The following DMD variants were observed in gnomAD, a reference collection of about 807,000 sequenced individuals.
DMD encodes the protein mutant dystrophin.
DMD carries 63 observed loss-of-function variants against 330.1 expected under a neutral mutation model. The ratio of observed to expected loss-of-function variants is 0.19; its 90% CI spans 0.16 to 0.24. The LOEUF (loss-of-function observed/expected upper bound fraction) is 0.24, where lower values mean the gene tolerates loss of function less well. DMD is among the 10% of genes least tolerant of loss of function. The pLI is 1.00. For synonymous variants in DMD, 1,223 were observed against 959.8 expected, an observed-to-expected ratio of 1.27 and a Z score of -5.07; for missense variants, 3,344 against 2,684.1, an observed-to-expected ratio of 1.25 and a Z score of -5.43.
intron 62 of DMD, among the ~76,000 whole-genome samples, chrX:31,284,602 CTTCTT>C (rs1670067303): frequency 1.1e-5 from 1 of 90,989 alleles, no homozygotes; most frequent in Admixed American, 1.2e-4. Context: ...TCTTCTTCTT[CTTCTT>C]TTTTTTGGCA....
chrX:32,096,845 C>T (rs1861469884), intron 44 of DMD, among the ~76,000 whole-genome samples: 1 of 111,676 alleles, frequency 9.0e-6, no homozygotes, highest in Non-Finnish European at 1.9e-5. Flanking sequence ...GTCCAGATGA[C>T]CAAACTCCTC....
intron 62 of DMD, among the ~76,000 whole-genome samples, chrX:31,322,195 G>T (rs72625574): frequency 0.16 from 17,819 of 111,311 alleles, 1,099 homozygotes; most frequent in Non-Finnish European, 0.18. Context: ...AGAAGTAGCA[G>T]GTCTCAAACA....
chrX:31,686,641 C>T (rs2082705247), intron 52 of DMD, among the ~76,000 whole-genome samples: 1 of 112,015 alleles, frequency 8.9e-6, no homozygotes, highest in South Asian at 3.7e-4. Context: ...ATTCAGTAAG[C>T]CAAAACTAAT....
chrX:32,075,610 G>T (rs73619026), intron 44 of DMD, among the ~76,000 whole-genome samples: 3 of 110,524 alleles, frequency 2.7e-5, no homozygotes, highest in Non-Finnish European at 5.7e-5. Context: ...TCTCAATTCT[G>T]TACCCATAAT....
intron 57 of DMD, among the ~76,000 whole-genome samples, chrX:31,496,301 G>A (rs1010945197): frequency 1.8e-5 from 2 of 112,255 alleles, no homozygotes; most frequent in Non-Finnish European, 3.8e-5. Flanking sequence ...TTGATATGAT[G>A]AAATTATTGA....
chrX:32,485,029 T>C lies in DMD; in HGVS notation c.2693A>G (p.Lys898Arg). ...ERLKIQSIAL[K>R]EKGQGPMFLD... is the part of the protein sequence containing the mutation. The stretch of plus-strand genomic sequence containing the variant: ...GAACATGGGTCCTTGTCCTTTCTCT[T>C]TCAGGGCTATGCTTTGAATTTTTAA... Residue 898 changes from lysine (K) to arginine (R), a missense_variant, in exon 21 of 79, where the codon AAA becomes AGA. By Grantham distance (26) the Lys-to-Arg change is conservative. Transcript: ENST00000357033. 1 of 1,211,570 alleles carries C rather than the reference T, an allele frequency of 8.3e-7. No homozygotes were observed. Among genetic ancestry groups the C allele is most frequent in the Non-Finnish European group, 1.1e-6 (1 of 895,253 alleles).
chrX:32,656,337 A>C (rs755548869), intron 9 of DMD, among the ~76,000 whole-genome samples: 1 of 111,855 alleles, frequency 8.9e-6, no homozygotes, highest in Non-Finnish European at 1.9e-5. Flanking sequence ...ACTGGGCAAC[A>C]GGACTATGGA....
intron 26 of DMD, 105 bp downstream of exon 26, chrX:32,454,557 G>A (rs1360724018): frequency 1.6e-6 from 1 of 633,194 alleles, no homozygotes; most frequent in African/African-American, 2.3e-5. Context: ...TCTTCTCTTA[G>A]AACCAGGAAA....
chrX:32,427,196 A>T (rs769154434), intron 29 of DMD, among the ~76,000 whole-genome samples: 141 of 111,778 alleles, frequency 1.3e-3, no homozygotes, highest in Non-Finnish European at 2.2e-3. Flanking sequence ...TTCATTTTAA[A>T]AGTTTTGGTA....
At chrX:31,885,945 C>T (rs2094148744) in intron 47 of DMD, among the ~76,000 whole-genome samples, 1 of 110,728 alleles carries the variant, frequency 9.0e-6, no homozygotes, top group South Asian at 3.8e-4. Context: ...AATCCAAAAT[C>T]ATGTTTAAAT....
intron 52 of DMD, among the ~76,000 whole-genome samples, chrX:31,702,137 T>C (rs1187300595): frequency 3.6e-5 from 4 of 112,223 alleles, no homozygotes; most frequent in Non-Finnish European, 7.5e-5. Context: ...TTCTGCCTAT[T>C]TGGCCACTCC....
At chrX:31,654,108 CTTT>C (rs1569180889) in intron 54 of DMD, among the ~76,000 whole-genome samples, 1 of 112,254 alleles carries the variant, frequency 8.9e-6, no homozygotes, top group African/African-American at 3.2e-5. Context: ...CATTAGTTTA[CTTT>C]TTTATTATGT....
At chrX:32,987,317 C>T (rs942373195) in intron 2 of DMD, among the ~76,000 whole-genome samples, 9 of 111,445 alleles carry the variant, frequency 8.1e-5, no homozygotes, top group African/African-American at 2.9e-4. Context: ...GGCATTCCTG[C>T]TTGAGTGCTT....
chrX:31,371,124 T>C (rs754131923), intron 60 of DMD, among the ~76,000 whole-genome samples: 2 of 111,444 alleles, frequency 1.8e-5, no homozygotes, highest in East Asian at 5.7e-4. Flanking sequence ...GTCAAAATCC[T>C]GGTTGTGACA....
At chrX:33,246,620 T>C (rs926720597) in intron 1 of DMD, among the ~76,000 whole-genome samples, 1 of 111,919 alleles carries the variant, frequency 8.9e-6, no homozygotes, top group African/African-American at 3.2e-5. Context: ...ATAAGAATCA[T>C]TCTCTCAGGC....
At chrX:32,229,160 T>A (rs1395908381) in intron 43 of DMD, among the ~76,000 whole-genome samples, 2 of 111,170 alleles carry the variant, frequency 1.8e-5, no homozygotes, top group Non-Finnish European at 3.8e-5. Flanking sequence ...AAAATCCTAC[T>A]TCTCCTATAA....
intron 59 of DMD, among the ~76,000 whole-genome samples, chrX:31,446,726 G>C (rs777798874): frequency 8.9e-6 from 1 of 112,227 alleles, no homozygotes; most frequent in Non-Finnish European, 1.9e-5. Flanking sequence ...TTGCATAATA[G>C]AAAGGTTAGA....
intron 73 of DMD, among the ~76,000 whole-genome samples, chrX:31,169,826 T>G (rs1443059902): frequency 8.9e-6 from 1 of 111,955 alleles, no homozygotes; most frequent in Non-Finnish European, 1.9e-5. Flanking sequence ...CAAATGAAAT[T>G]GATTGGCCTA....
chrX:33,015,479 A>T (rs775386250), intron 2 of DMD, among the ~76,000 whole-genome samples: 68 of 110,967 alleles, frequency 6.1e-4, no homozygotes, highest in African/African-American at 1.9e-3. Context: ...ACACGGACAC[A>T]TAGAGGGGAA....
Sources: allele counts gnomAD v4.1 joint callset (sites outside exome capture counted in the v4.1 genomes callset), GRCh38; gene constraint gnomAD v4.1.1; transcripts MANE v1.5; gene names NCBI Gene and HGNC (gene_info 2026-07-23, HGNC 2026-07-21).